Variants in ELMO2 observed in about 807,000 individuals in gnomAD.
The protein encoded by ELMO2 is engulfment and cell motility protein 2.
In ELMO2, 37 loss-of-function variants were observed where a neutral mutation model predicts 96.2. The ratio of observed to expected loss-of-function variants is 0.38; its 90% CI spans 0.30 to 0.51. ELMO2 has a LOEUF of 0.51. ELMO2 is among the 20% of genes least tolerant of loss of function. The pLI is 0.88. For missense variants in ELMO2, 561 were observed against 912.6 expected (o/e 0.61, Z 4.96); for synonymous variants, 315 against 329.4 (o/e 0.96, Z 0.47).
chr20:46,383,559 A>C (rs1402513681), intron 9 of ELMO2, 65 bp from the exon 10 acceptor site: 29 of 1,418,942 alleles, frequency 2.0e-5, no homozygotes, highest in Non-Finnish European at 2.9e-5. Flanking sequence ...GATGCTTAGA[A>C]ATGGTTTAAA....
intron 5 of ELMO2, 146 bp downstream of exon 5, chr20:46,393,383 G>C: frequency 1.0e-6 from 1 of 995,714 alleles, no homozygotes; most frequent in Non-Finnish European, 1.5e-6. Context: ...AACAAGGGCT[G>C]GTGTTTCCCA....
rs902932690 is a variant in ELMO2 at position 46,367,147 on chromosome 20, T to A, written c.*213A>T. 4.6e-6 allele frequency: 2 copies of A among 433,578 alleles called. No homozygotes were observed. 26.9% of individuals were successfully genotyped at this position (433,578 alleles called of 1,614,324 possible). A position where few individuals can be genotyped will look rare whatever the true frequency, so the allele number is the denominator to read the frequency against. On this transcript the variant is annotated 3_prime_UTR_variant, in exon 22 of 22. Transcript: ENST00000290246. ...AATCCCAGGCTTCATGGTGATGGAG[T>A]GGGCAGAGCACCCTGCCTTCATGAC...
intron 8 of ELMO2, among the ~76,000 whole-genome samples, chr20:46,386,940 C>T (rs1309777546): frequency 6.6e-6 from 1 of 152,156 alleles, no homozygotes; most frequent in African/African-American, 2.4e-5. Flanking sequence ...AACAGGCTAC[C>T]TTGCAGATTT....
In ELMO2 at chr20:46,383,413, G is replaced by A. The variant is rs2059990798; in HGVS notation, c.756+3C>T. Reference sequence around the variant, plus strand: ...TGAAAAATGTGAAAAGGCAGCCACAGACCTGTCGTTTGTCCTCAGGAGCCT... The same window carrying A: ...TGAAAAATGTGAAAAGGCAGCCACAAACCTGTCGTTTGTCCTCAGGAGCCT... On this transcript the variant is annotated splice_donor_region_variant and intron_variant, in intron 10 of 21. Coordinates refer to ENST00000290246, the MANE Select transcript of ELMO2 (RefSeq NM_133171.5). 1.2e-6 allele frequency: 2 copies of A among 1,613,898 alleles called. No homozygotes were observed. Among genetic ancestry groups the A allele is most frequent in the Non-Finnish European group, 1.7e-6 (2 of 1,179,754 alleles).
At chr20:46,377,680 C>T (rs1772740778) in intron 11 of ELMO2, among the ~76,000 whole-genome samples, 1 of 152,224 alleles carries the variant, frequency 6.6e-6, no homozygotes, top group Admixed American at 6.5e-5. Flanking sequence ...CCTCTGCCTG[C>T]ATCCCTCCCT....
rs2059966408 is a variant in ELMO2 at position 46,382,078 on chromosome 20, C to G, written c.756+1338G>C. ...TAAGTGTCCTGACAAAGGAGATTCACAGCACACAACCTTTCCCTGGGTCTT... is the reference window on the plus strand; with the variant it reads ...TAAGTGTCCTGACAAAGGAGATTCAGAGCACACAACCTTTCCCTGGGTCTT... On this transcript the variant is annotated intron_variant, in intron 10 of 21. Transcript: ENST00000290246. 5 of 809,600 alleles carry G rather than the reference C, an allele frequency of 6.2e-6. No homozygotes were observed. The South Asian group carries it at 7.3e-5, about 12-fold the overall frequency. The allele number at this position is 809,600 out of a possible 1,614,324, so 50.2% of individuals were successfully genotyped here.
chr20:46,383,005 A>G (rs1432952768), intron 10 of ELMO2, among the ~76,000 whole-genome samples: 2 of 152,194 alleles, frequency 1.3e-5, no homozygotes, highest in Non-Finnish European at 2.9e-5. Flanking sequence ...TTGGCAAACT[A>G]TGGCCATATT....
rs1050094154 is a variant in ELMO2, at chr20:46,374,646, G to A, written c.1066-6C>T. Reference sequence around the variant, plus strand: ...ATGGCTGGATTGATGTGGTTCTAGAGAAATAAAGACACCCAATTTGAGATG... The same window carrying A: ...ATGGCTGGATTGATGTGGTTCTAGAAAAATAAAGACACCCAATTTGAGATG... On this transcript the variant is annotated splice_polypyrimidine_tract_variant and splice_region_variant and intron_variant, in intron 13 of 21. Transcript: ENST00000290246. 1.2e-6 allele frequency: 2 copies of A among 1,613,724 alleles called. No homozygotes were observed. The highest frequency in any genetic ancestry group is 2.7e-5 in the African/African-American group (2 of 74,920).
chr20:46,384,809 A>T (rs114012293), intron 9 of ELMO2, among the ~76,000 whole-genome samples: 1,941 of 151,972 alleles, frequency 0.013, 54 homozygotes, highest in African/African-American at 0.044. Flanking sequence ...AATAAAAAAA[A>T]AAAAAAAACT....
At chr20:46,369,238 G>A (rs1321074974) in intron 20 of ELMO2, 1 of 374,930 alleles carries the variant, frequency 2.7e-6, no homozygotes, top group Non-Finnish European at 4.9e-6. Flanking sequence ...TCAGAACCCT[G>A]GAAGGTCACG....
chr20:46,367,834 C>T (rs1401845907), intron 21 of ELMO2, among the ~76,000 whole-genome samples: 1 of 152,132 alleles, frequency 6.6e-6, no homozygotes, highest in Non-Finnish European at 1.5e-5. Context: ...AAAATGAGAT[C>T]TGAGTACTGG....
intron 14 of ELMO2, 46 bp downstream of exon 14, chr20:46,374,489 AG>A (rs751378786): frequency 1.7e-5 from 27 of 1,609,982 alleles, no homozygotes; most frequent in Non-Finnish European, 1.2e-5. Context: ...GGAGGAAGGC[AG>A]GAGATGTGGC....
chr20:46,394,033 G>C lies in ELMO2; in HGVS notation c.119+16C>G. On this transcript the variant is annotated intron_variant, in intron 4 of 21. Coordinates refer to ENST00000290246, the MANE Select transcript of ELMO2 (RefSeq NM_133171.5). ...CGGAGCTGCCACTGTTGAAAACGAG[G>C]TCCATTTCAACCTACCCATCACAAA... 6.2e-7 allele frequency: 1 copy of C among 1,613,952 alleles called. No individual in the cohort carries two copies.
chr20:46,405,613 C>T (rs538048436), intron 1 of ELMO2, among the ~76,000 whole-genome samples: 49 of 151,882 alleles, frequency 3.2e-4, no homozygotes, highest in Non-Finnish European at 7.1e-4. Context: ...CTCGGCTGGG[C>T]GCGGTGGCTC....
intron 5 of ELMO2, among the ~76,000 whole-genome samples, 168 bp from the exon 6 acceptor site, chr20:46,393,311 C>T (rs1216634336): frequency 6.6e-6 from 1 of 152,176 alleles, no homozygotes; most frequent in African/African-American, 2.4e-5. Flanking sequence ...TTTCTAAGAT[C>T]CTCCTCTAGC....
At chr20:46,385,725 T>C (rs1380951524) in intron 9 of ELMO2, among the ~76,000 whole-genome samples, 3 of 152,156 alleles carry the variant, frequency 2.0e-5, no homozygotes, top group Non-Finnish European at 4.4e-5. Context: ...GATACAACAA[T>C]GATTGGTCTC....
At chr20:46,401,067 G>A (rs2060327302) in intron 1 of ELMO2, among the ~76,000 whole-genome samples, 1 of 152,194 alleles carries the variant, frequency 6.6e-6, no homozygotes, top group African/African-American at 2.4e-5. Context: ...TTTGGCTTTT[G>A]ATTTGGTGAA....
At chr20:46,387,521 A>G in intron 7 of ELMO2, 84 bp from the exon 8 acceptor site, 1 of 1,053,248 alleles carries the variant, frequency 9.5e-7, no homozygotes, top group Admixed American at 2.0e-5. Flanking sequence ...AAAAAAGATG[A>G]ATTTTAATGT....
At chr20:46,384,252 T>C (rs1341201943) in intron 9 of ELMO2, among the ~76,000 whole-genome samples, 1 of 152,222 alleles carries the variant, frequency 6.6e-6, no homozygotes, top group Non-Finnish European at 1.5e-5. Flanking sequence ...TATTTTATTA[T>C]GAACAAACAA....
Sources: allele counts gnomAD v4.1 joint callset (sites outside exome capture counted in the v4.1 genomes callset), GRCh38; gene constraint gnomAD v4.1.1; transcripts MANE v1.5; gene names NCBI Gene and HGNC (gene_info 2026-07-23, HGNC 2026-07-21).